LAT: variants seen among roughly 807,000 people sequenced by gnomAD.
LAT encodes the protein linker for activation of T-cells family member 1.
LAT carries 12 observed loss-of-function variants against 39.1 expected under a neutral mutation model. That is an observed-to-expected ratio of 0.31 (90% CI 0.20 to 0.50). LAT has a LOEUF of 0.50. LAT is among the 20% of genes least tolerant of loss of function. LAT has a pLI of 0.98. For missense variants in LAT, 253 were observed against 308.0 expected (o/e 0.82, Z 1.34); for synonymous variants, 117 against 123.8 (o/e 0.95, Z 0.36).
At position 28,986,210 on chromosome 16, in the gene LAT, C is replaced by G; in HGVS notation, c.239C>G (p.Pro80Arg). ...CCCCTGAGCCAGCCAGACCTGCTCC[C>G]CATCCCGTGAGTAGCTGCTCAGCCC... is the stretch of plus-strand genomic sequence containing the variant. ...YPPLSQPDLL[P>R]IPRSPQPLGG... The change falls in exon 4 of 12, where the codon CCC becomes CGC. Residue 80 changes from proline to arginine, a missense_variant. Transcript: ENST00000395456. The surrounding 1 kb of genome is among the most constrained non-coding windows in gnomAD (Gnocchi z 5.7). 1.3e-6 allele frequency: 2 copies of G among 1,598,692 alleles called. No homozygotes were observed. Among genetic ancestry groups the G allele is most frequent in the South Asian group, 2.2e-5 (2 of 88,896 alleles).
chr16:28,984,872 C>G, upstream of LAT: 2 of 1,549,810 alleles, frequency 1.3e-6, no homozygotes, highest in Non-Finnish European at 1.7e-6. Context: ...ATGGAGGCCA[C>G]GGCTGCCAGC....
rs747938876 is a variant in LAT, at chr16:28,985,469, A to G, written c.52A>G (p.Ile18Val). The change falls in exon 1 of 12, where the codon ATC (isoleucine) becomes GTC (valine). Residue 18 changes from isoleucine (I) to valine (V), a missense_variant. Transcript: ENST00000395456. The surrounding 1 kb of genome is among the most constrained non-coding windows in gnomAD (Gnocchi z 4.6). ...PCVLGLLLLP[I>V]LAMLMALCVH... ...CGTGCTGGGGCTCCTGCTGCTGCCC[A>G]TCCTGGCCATGTTGATGGCACTGTG... The G allele has an allele frequency of 6.2e-7, 1 of 1,613,784 alleles. No individual in the cohort carries two copies. Among genetic ancestry groups the G allele is most frequent in the Non-Finnish European group, 8.5e-7 (1 of 1,179,918 alleles).
chr16:28,990,379 G>A lies in LAT; in HGVS notation c.*198G>A, dbSNP rs936897599. 23 of 451,672 alleles carry A rather than the reference G, an allele frequency of 5.1e-5. No individual in the cohort carries two copies. Among genetic ancestry groups the A allele is most frequent in the South Asian group, 9.0e-5 (5 of 55,576 alleles). 28.0% of individuals were successfully genotyped at this position (451,672 alleles called of 1,614,324 possible). On this transcript the variant is annotated 3_prime_UTR_variant, in exon 12 of 12. Transcript: ENST00000395456. ...CCCCGAACGCTCTGCACCTTCTGAC[G>A]CAGCCTGAGAATGACCTGCCCTGGC...
chr16:28,989,423 T>G (rs1011116871), intron 8 of LAT, 104 bp from the exon 9 acceptor site: 2 of 967,354 alleles, frequency 2.1e-6, no homozygotes, highest in Non-Finnish European at 3.2e-6. Flanking sequence ...GCCTCTGGGG[T>G]CTACCGTTGG....
In LAT at chr16:28,985,979, C is replaced by T. The variant is rs1473882503; in HGVS notation, c.163+91C>T. 6.7e-7 allele frequency: 1 copy of T among 1,502,450 alleles called. No individual in the cohort carries two copies. The highest frequency in any genetic ancestry group is 2.3e-5 in the East Asian group (1 of 44,262). The allele number at this position is 1,502,450 out of a possible 1,614,324, so 93.1% of individuals were successfully genotyped here. A position where few individuals can be genotyped will look rare whatever the true frequency, so the allele number is the denominator to read the frequency against. ...GTGAACCTTCAGACTTCCCCTGCCA[C>T]CTTGGGGCTGCCCACATGGCCTTGA... On this transcript the variant is annotated intron_variant, in intron 3 of 11. Coordinates refer to ENST00000395456, the MANE Select transcript of LAT (RefSeq NM_001014987.2). This position sits in a 1 kb window ranked among gnomAD's most constrained non-coding sequence, Gnocchi z 4.6.
upstream of LAT, chr16:28,985,014 A>G: frequency 7.0e-7 from 1 of 1,426,650 alleles, no homozygotes; most frequent in East Asian, 2.6e-5. The surrounding 1 kb of genome is among the most constrained non-coding windows in gnomAD (Gnocchi z 4.6). Flanking sequence ...CAGCCGGCTG[A>G]GAGCTTGATG....
rs1965835966 is a variant in LAT, at chr16:28,989,920, C to T, written c.623-13C>T. ...AGCTTGCAAGCTGGAGACCAACCTC[C>T]CCTCCCTTACAGCCGCCCTGAGTTC... On this transcript the variant is annotated splice_polypyrimidine_tract_variant and intron_variant, in intron 10 of 11. Coordinates refer to ENST00000395456, the MANE Select transcript of LAT (RefSeq NM_001014987.2). 2 of 1,613,810 alleles carry T rather than the reference C, an allele frequency of 1.2e-6. No individual in the cohort carries two copies. Among genetic ancestry groups the T allele is most frequent in the Non-Finnish European group, 1.7e-6 (2 of 1,179,838 alleles).
chr16:28,985,181 T>G lies in LAT; in HGVS notation c.-237T>G. Reference sequence around the variant, plus strand: ...AGCCCAGGCCCTGGTCTGACCACCCTGGGAGCAGGGACTTTCCACAGTCAG... The same window carrying G: ...AGCCCAGGCCCTGGTCTGACCACCCGGGGAGCAGGGACTTTCCACAGTCAG... On this transcript the variant is annotated 5_prime_UTR_variant, in exon 1 of 12. Transcript: ENST00000395456. This position sits in a 1 kb window ranked among gnomAD's most constrained non-coding sequence, Gnocchi z 4.6. 1.4e-6 allele frequency: 2 copies of G among 1,429,340 alleles called. No individual in the cohort carries two copies. The highest frequency in any genetic ancestry group is 3.0e-5 in the South Asian group (2 of 66,344). The allele number at this position is 1,429,340 out of a possible 1,614,324, so 88.5% of individuals were successfully genotyped here. A position where few individuals can be genotyped will look rare whatever the true frequency, so the allele number is the denominator to read the frequency against.
In LAT at chr16:28,989,536, T is replaced by C. The variant is rs768337088; in HGVS notation, c.503T>C (p.Ile168Thr). 6 of 1,609,670 alleles carry C rather than the reference T, an allele frequency of 3.7e-6. No individual in the cohort carries two copies. Among genetic ancestry groups the C allele is most frequent in the South Asian group, 1.1e-5 (1 of 90,356 alleles). The part of the protein sequence containing the change: ...IRDSAFSMES[I>T]DDYVNVPESG... ...CCTGGCTTTTCCACAGTGGAGTCCATTGATGATTACGTGAACGTTCCGGAG... is the reference window on the plus strand; with the variant it reads ...CCTGGCTTTTCCACAGTGGAGTCCACTGATGATTACGTGAACGTTCCGGAG... The change falls in exon 9 of 12, where the codon ATT becomes ACT. Residue 168 changes from isoleucine (I) to threonine (T), a missense_variant. Physicochemically the swap from Ile to Thr is moderately conservative, Grantham distance 89. Coordinates refer to ENST00000395456, the MANE Select transcript of LAT (RefSeq NM_001014987.2).
chr16:28,990,409 G>A lies in LAT; in HGVS notation c.*228G>A. ...CTGAGAATGACCTGCCCTGGCCCCA[G>A]CCCTACTCTGTGTAATAGAATAAAG... On this transcript the variant is annotated 3_prime_UTR_variant, in exon 12 of 12. Coordinates refer to ENST00000395456, the MANE Select transcript of LAT (RefSeq NM_001014987.2). 2.5e-6 allele frequency: 1 copy of A among 406,290 alleles called. No homozygotes were observed. The highest frequency in any genetic ancestry group is 3.9e-4 in the Middle Eastern group (1 of 2,544). The allele number at this position is 406,290 out of a possible 1,614,324, so 25.2% of individuals were successfully genotyped here.
rs996867528 is a variant in LAT, at chr16:28,986,035, C to A, written c.164-100C>A. On this transcript the variant is annotated intron_variant, in intron 3 of 11. Coordinates refer to ENST00000395456, the MANE Select transcript of LAT (RefSeq NM_001014987.2). The surrounding 1 kb of genome is among the most constrained non-coding windows in gnomAD (Gnocchi z 5.7). ...GCTGGGAGAGGGGAGATGGCTCCCC[C>A]AGGCCTGTCCAGGGTGTGGGGCTTT... 23 of 1,366,968 alleles carry A rather than the reference C, an allele frequency of 1.7e-5. No individual in the cohort carries two copies. Among genetic ancestry groups the A allele is most frequent in the African/African-American group, 4.3e-5 (3 of 69,934 alleles). The allele number at this position is 1,366,968 out of a possible 1,614,324, so 84.7% of individuals were successfully genotyped here.
Position 28,989,553 on chromosome 16 carries a change from G to A in LAT, c.520G>A (p.Val174Ile), listed in dbSNP as rs767624264. Residue 174 changes from valine to isoleucine, a missense_variant, in exon 9 of 12, where the codon GTT (valine) becomes ATT (isoleucine). Val to Ile is a conservative substitution (Grantham distance 29, BLOSUM62 3). Coordinates refer to ENST00000395456, the MANE Select transcript of LAT (RefSeq NM_001014987.2). ...GGAGTCCATTGATGATTACGTGAACGTTCCGGAGAGCGGGGAGAGCGCAGA... is the reference window on the plus strand; with the variant it reads ...GGAGTCCATTGATGATTACGTGAACATTCCGGAGAGCGGGGAGAGCGCAGA... The part of the protein sequence containing the change: ...SMESIDDYVN[V>I]PESGESAEAS... 2.5e-6 allele frequency: 4 copies of A among 1,611,398 alleles called. No individual in the cohort carries two copies. Among genetic ancestry groups the A allele is most frequent in the African/African-American group, 1.3e-5 (1 of 74,888 alleles).
chr16:28,990,097 C>A, intron 11 of LAT, 78 bp downstream of exon 11: 1 of 1,232,442 alleles, frequency 8.1e-7, no homozygotes, highest in Non-Finnish European at 1.2e-6. Context: ...CCTTGCCCAA[C>A]CCTACCTCTG....
chr16:28,986,934 G>C lies in LAT; in HGVS notation c.493+41G>C. 1 of 1,554,842 alleles carries C rather than the reference G, an allele frequency of 6.4e-7. No individual in the cohort carries two copies. Among genetic ancestry groups the C allele is most frequent in the Non-Finnish European group, 8.8e-7 (1 of 1,136,882 alleles). On this transcript the variant is annotated intron_variant, in intron 8 of 11. Coordinates refer to ENST00000395456, the MANE Select transcript of LAT (RefSeq NM_001014987.2). This position sits in a 1 kb window ranked among gnomAD's most constrained non-coding sequence, Gnocchi z 5.7. ...GTTTTTATTTTTAAATTTTTTTAGG[G>C]ATAGGCTGGAGTGCAGTGGTGCCAT...
chr16:28,985,589 T>G lies in LAT; in HGVS notation c.100+72T>G, dbSNP rs1266443437. ...GGGATCCTCATCCACTCCCAGCCCCTGTGTCTGTCCTGGCTCTGTCCCTGC... is the reference window on the plus strand; with the variant it reads ...GGGATCCTCATCCACTCCCAGCCCCGGTGTCTGTCCTGGCTCTGTCCCTGC... On this transcript the variant is annotated intron_variant, in intron 1 of 11. Coordinates refer to ENST00000395456, the MANE Select transcript of LAT (RefSeq NM_001014987.2). This position sits in a 1 kb window ranked among gnomAD's most constrained non-coding sequence, Gnocchi z 4.6. The G allele has an allele frequency of 6.2e-7, 1 of 1,600,792 alleles. No individual in the cohort carries two copies. The highest frequency in any genetic ancestry group is 1.3e-5 in the African/African-American group (1 of 74,662).
At position 28,985,793 on chromosome 16, in the gene LAT, G is replaced by C. The variant is rs1965734820; in HGVS notation, c.128+53G>C. ...TCCCTCCACACCCCATGGCGGGGCA[G>C]GGCTGGGGCTTCCATCCTCCATCTT... On this transcript the variant is annotated intron_variant, in intron 2 of 11. Coordinates refer to ENST00000395456, the MANE Select transcript of LAT (RefSeq NM_001014987.2). The surrounding 1 kb of genome is among the most constrained non-coding windows in gnomAD (Gnocchi z 4.6). The C allele has an allele frequency of 6.2e-7, 1 of 1,613,720 alleles. No homozygotes were observed. The highest frequency in any genetic ancestry group is 8.5e-7 in the Non-Finnish European group (1 of 1,179,788).
chr16:28,985,196 T>A lies in LAT; in HGVS notation c.-222T>A, dbSNP rs762379391. ...CTGACCACCCTGGGAGCAGGGACTTTCCACAGTCAGCTGGACGCACACTCA... is the reference window on the plus strand; with the variant it reads ...CTGACCACCCTGGGAGCAGGGACTTACCACAGTCAGCTGGACGCACACTCA... On this transcript the variant is annotated 5_prime_UTR_variant, in exon 1 of 12. Coordinates refer to ENST00000395456, the MANE Select transcript of LAT (RefSeq NM_001014987.2). This position sits in a 1 kb window ranked among gnomAD's most constrained non-coding sequence, Gnocchi z 4.6. 618 of 1,429,332 alleles carry A rather than the reference T, an allele frequency of 4.3e-4. 1 individual carries two copies. The highest frequency in any genetic ancestry group is 5.5e-4 in the Non-Finnish European group (599 of 1,096,242). 88.5% of individuals were successfully genotyped at this position (1,429,332 alleles called of 1,614,324 possible).
In LAT at chr16:28,986,626, A is replaced by T; in HGVS notation, c.341-31A>T. ...GTGGGGAGTCTGGGGTCCGTCCTGGACTAGGCTGACCCCTGTGTCGTTACC... is the reference window on the plus strand; with the variant it reads ...GTGGGGAGTCTGGGGTCCGTCCTGGTCTAGGCTGACCCCTGTGTCGTTACC... On this transcript the variant is annotated intron_variant, in intron 6 of 11. Coordinates refer to ENST00000395456, the MANE Select transcript of LAT (RefSeq NM_001014987.2). This position sits in a 1 kb window ranked among gnomAD's most constrained non-coding sequence, Gnocchi z 5.7. 1 of 1,613,938 alleles carries T rather than the reference A, an allele frequency of 6.2e-7. No individual in the cohort carries two copies. Among genetic ancestry groups the T allele is most frequent in the East Asian group, 2.2e-5 (1 of 44,860 alleles).
In LAT at chr16:28,985,678, C is replaced by T; in HGVS notation, c.101-35C>T. ...CCCAGCACCTTCTGCCCTAAGCACC[C>T]CCTGTTCCTGCCTCACCAGCCCTCT... On this transcript the variant is annotated intron_variant, in intron 1 of 11. Transcript: ENST00000395456. The surrounding 1 kb of genome is among the most constrained non-coding windows in gnomAD (Gnocchi z 4.6). 1 of 1,613,596 alleles carries T rather than the reference C, an allele frequency of 6.2e-7. No individual in the cohort carries two copies. Among genetic ancestry groups the T allele is most frequent in the East Asian group, 2.2e-5 (1 of 44,878 alleles).
Sources: gnomAD v4.1 joint callset for allele counts on GRCh38, gnomAD v4.1.1 for gene constraint, Gnocchi (gnomAD v3.1) non-coding constraint, MANE v1.5 for transcripts, NCBI Gene and HGNC (gene_info 2026-07-23, HGNC 2026-07-21) for gene names.